The following TFB2M variants were observed in gnomAD, a reference collection of about 807,000 sequenced individuals.
TFB2M encodes the protein transcription factor B2, mitochondrial.
In TFB2M, 44 loss-of-function variants were observed where a neutral mutation model predicts 41.3. The ratio of observed to expected loss-of-function variants is 1.07; its 90% CI spans 0.84 to 1.37. The LOEUF is 1.37. Among genes scored for constraint, TFB2M ranks in the 40% most tolerant of loss-of-function variants. The pLI, the probability that TFB2M is intolerant of heterozygous loss-of-function variation, is 0.00. For synonymous variants in TFB2M, 188 were observed against 176.8 expected (o/e 1.06, Z -0.50); for missense variants, 496 against 490.2 (o/e 1.01, Z -0.11).
At chr1:246,565,284 T>C (rs903248607) in intron 1 of TFB2M, among the ~76,000 whole-genome samples, 3 of 152,188 alleles carry the variant, frequency 2.0e-5, no homozygotes, top group African/African-American at 7.2e-5. Flanking sequence ...TTTGGGGAGA[T>C]AAGATCTAAG....
intron 5 of TFB2M, among the ~76,000 whole-genome samples, chr1:246,549,725 G>T (rs1449978755): frequency 6.6e-6 from 1 of 152,114 alleles, no homozygotes; most frequent in African/African-American, 2.4e-5. Context: ...TGAACACAAG[G>T]TCTGAAAGGC....
chr1:246,566,104 A>G lies in TFB2M; in HGVS notation c.35T>C (p.Leu12Pro). 3 of 1,611,224 alleles carry G rather than the reference A, an allele frequency of 1.9e-6. No homozygotes were observed. The highest frequency in any genetic ancestry group is 2.5e-6 in the Non-Finnish European group (3 of 1,177,848). The change falls in exon 1 of 8, where the codon CTG becomes CCG. Residue 12 changes from leucine to proline, a missense_variant. Transcript: ENST00000366514. ...WIPVVGLPRR[L>P]RLSALAGAGR... is the part of the protein sequence containing the mutation. ...AGCGCCCGCCAAGGCGGAGAGCCTC[A>G]GCCGCCGAGGAAGCCCGACCACTGG...
chr1:246,565,658 G>A (rs1659629211), intron 1 of TFB2M, among the ~76,000 whole-genome samples, 168 bp downstream of exon 1: 1 of 152,180 alleles, frequency 6.6e-6, no homozygotes, highest in Admixed American at 6.5e-5. Flanking sequence ...GTTGCAGGGA[G>A]CCGAGATCGC....
chr1:246,564,105 A>G (rs1449744554), intron 2 of TFB2M, among the ~76,000 whole-genome samples: 7 of 152,220 alleles, frequency 4.6e-5, no homozygotes, highest in Admixed American at 4.6e-4. Flanking sequence ...GTTCAAAGTC[A>G]CCCAACTAGG....
At position 246,556,592 on chromosome 1, in the gene TFB2M, A is replaced by G. The variant is rs777766634; in HGVS notation, c.686T>C (p.Ile229Thr). The G allele has an allele frequency of 1.3e-6, 2 of 1,522,320 alleles. No homozygotes were observed. The highest frequency in any genetic ancestry group is 1.8e-6 in the Non-Finnish European group (2 of 1,134,438). The allele number at this position is 1,522,320 out of a possible 1,614,324, so 94.3% of individuals were successfully genotyped here. The change falls in exon 4 of 8, where the codon ATT becomes ACT. Residue 229 changes from isoleucine (I) to threonine (T), a missense_variant. Transcript: ENST00000366514. ...KFGRIEVNMF[I>T]GEKEFQKLMA... ...ACATACCTGGAATTCTTTTTCACCA[A>G]TAAACATATTTACTTCTATTCGTCC... is the stretch of plus-strand genomic sequence containing the variant.
At chr1:246,554,510 GTT>G (rs111541276) in intron 4 of TFB2M, among the ~76,000 whole-genome samples, 85,197 of 151,722 alleles carry the variant, frequency 0.56, 24,260 homozygotes, top group East Asian at 0.83. Flanking sequence ...AAGGATCTGG[GTT>G]TTGCAAGGGC....
chr1:246,556,277 G>A (rs1279810844), intron 4 of TFB2M, among the ~76,000 whole-genome samples: 2 of 152,198 alleles, frequency 1.3e-5, no homozygotes, highest in Admixed American at 1.3e-4. Flanking sequence ...ATGATTACTA[G>A]GGGACGCAGG....
At chr1:246,553,053 G>C (rs538618309) in intron 4 of TFB2M, among the ~76,000 whole-genome samples, 1 of 151,876 alleles carries the variant, frequency 6.6e-6, no homozygotes, top group South Asian at 2.1e-4. Context: ...AACCCCATCT[G>C]TACTAAAAAT....
At chr1:246,542,528 C>G (rs3124111) in intron 7 of TFB2M, among the ~76,000 whole-genome samples, 42,820 of 151,752 alleles carry the variant, frequency 0.28, 6,726 homozygotes, top group Middle Eastern at 0.4. Context: ...AAAAAGTTAG[C>G]TGGGCATAGT....
intron 5 of TFB2M, among the ~76,000 whole-genome samples, chr1:246,549,328 T>C (rs1274698689): frequency 2.6e-5 from 4 of 152,234 alleles, no homozygotes; most frequent in African/African-American, 9.6e-5. Flanking sequence ...ATGCCTGTAA[T>C]CCCAGCACTT....
At chr1:246,561,494 T>C (rs1321167612) in intron 2 of TFB2M, among the ~76,000 whole-genome samples, 2 of 152,076 alleles carry the variant, frequency 1.3e-5, no homozygotes, top group Non-Finnish European at 2.9e-5. Context: ...TGAGACTGAG[T>C]TTTGCTCCTG....
At chr1:246,553,726 G>A (rs1484397048) in intron 4 of TFB2M, among the ~76,000 whole-genome samples, 1 of 152,184 alleles carries the variant, frequency 6.6e-6, no homozygotes, top group Non-Finnish European at 1.5e-5. Flanking sequence ...GACATTTCAT[G>A]TTCGTGGATT....
intron 3 of TFB2M, among the ~76,000 whole-genome samples, chr1:246,557,156 T>C (rs989733212): frequency 2.0e-5 from 3 of 151,954 alleles, no homozygotes; most frequent in African/African-American, 7.3e-5. Context: ...ACACTTGTAA[T>C]CCCAGCTACT....
rs751700418 is a variant in TFB2M at position 246,544,510 on chromosome 1, T to C, written c.1019+11A>G. The C allele has an allele frequency of 6.3e-7, 1 of 1,581,406 alleles. No homozygotes were observed. Among genetic ancestry groups the C allele is most frequent in the Admixed American group, 2.0e-5 (1 of 49,002 alleles). On this transcript the variant is annotated intron_variant, in intron 7 of 7. Coordinates refer to ENST00000366514, the MANE Select transcript of TFB2M (RefSeq NM_022366.3). ...TGCTACTTTATACTTGCTTTTATTCTTTTTACTCACCGTAAGTGGTCTATT... is the reference window on the plus strand; with the variant it reads ...TGCTACTTTATACTTGCTTTTATTCCTTTTACTCACCGTAAGTGGTCTATT...
In TFB2M at chr1:246,566,177, G is replaced by T; in HGVS notation, c.-39C>A. 6.3e-7 allele frequency: 1 copy of T among 1,582,110 alleles called. No homozygotes were observed. Among genetic ancestry groups the T allele is most frequent in the Non-Finnish European group, 8.6e-7 (1 of 1,159,166 alleles). ...AGGCCCGCTCCAAGAATCACCTAGT[G>T]CAGCTACTACAGTGAACCCCACGCA... On this transcript the variant is annotated 5_prime_UTR_variant, in exon 1 of 8. Transcript: ENST00000366514.
At chr1:246,555,628 G>A (rs1403170637) in intron 4 of TFB2M, among the ~76,000 whole-genome samples, 2 of 152,126 alleles carry the variant, frequency 1.3e-5, no homozygotes, top group African/African-American at 4.8e-5. Context: ...ACTAAAAATA[G>A]AATTACTATA....
At chr1:246,544,752 C>A in intron 6 of TFB2M, 71 bp from the exon 7 acceptor site, 1 of 1,361,594 alleles carries the variant, frequency 7.3e-7, no homozygotes. Flanking sequence ...TCACTTCTTC[C>A]TTCAAGCTAT....
chr1:246,544,681 C>A lies in TFB2M; in HGVS notation c.859G>T (p.Glu287Ter), dbSNP rs1558508425. 2 of 1,582,246 alleles carry A rather than the reference C, an allele frequency of 1.3e-6. No homozygotes were observed. The highest frequency in any genetic ancestry group is 1.7e-6 in the Non-Finnish European group (2 of 1,171,598). The change falls in exon 7 of 8, where the codon GAA (glutamate) becomes TAA (stop). Residue 287 changes from glutamate to a stop codon, truncating the protein, a stop_gained and splice_region_variant. Coordinates refer to ENST00000366514, the MANE Select transcript of TFB2M (RefSeq NM_022366.3). LOFTEE classifies it high-confidence loss of function. ...TTTTGTTGTAATTGGTCTAATAATT[C>A]CTGGAGAGAAGAAAAAATGAATTGC... ...KGPLENPKRRELLDQLQQKLY... is the reference protein window; with the variant it reads ...KGPLENPKRR
chr1:246,545,306 A>G (rs896985684), intron 6 of TFB2M, among the ~76,000 whole-genome samples: 12 of 151,984 alleles, frequency 7.9e-5, no homozygotes, highest in Admixed American at 6.5e-4. Context: ...CAAGGCGTGG[A>G]TCACTCGAGG....
Sources: gnomAD v4.1 joint callset for allele counts (sites outside exome capture counted in the v4.1 genomes callset) on GRCh38, gnomAD v4.1.1 for gene constraint, MANE v1.5 for transcripts, NCBI Gene and HGNC (gene_info 2026-07-23, HGNC 2026-07-21) for gene names.